The following KAZN variants were observed in gnomAD, a reference collection of about 807,000 sequenced individuals.
The protein encoded by KAZN is kazrin.
A neutral mutation model predicts 87.4 loss-of-function variants in KAZN; 40 were observed. The ratio of observed to expected loss-of-function variants is 0.46; its 90% CI spans 0.36 to 0.60. The LOEUF is 0.60. Ranked by LOEUF, KAZN falls within the 20% of genes least tolerant of loss-of-function variation. The pLI, the probability that KAZN is intolerant of heterozygous loss-of-function variation, is 0.00. For missense variants in KAZN, 898 were observed against 1,073.9 expected (o/e 0.84, Z 2.29); for synonymous variants, 466 against 458.3 (o/e 1.02, Z -0.22).
chr1:14,649,786 C>T (rs1233415646), intron 1 of KAZN, among the ~76,000 whole-genome samples: 5 of 152,164 alleles, frequency 3.3e-5, no homozygotes, highest in Non-Finnish European at 7.3e-5. Context: ...ACTCCAACAT[C>T]ATCTTATTTT....
intron 2 of KAZN, among the ~76,000 whole-genome samples, chr1:14,395,290 T>C (rs1662802266): frequency 6.6e-6 from 1 of 152,200 alleles, no homozygotes; most frequent in Admixed American, 6.5e-5. Context: ...GTTGTCACTG[T>C]TTATTGTTAT....
intron 2 of KAZN, among the ~76,000 whole-genome samples, chr1:14,429,665 T>C (rs1262204850): frequency 6.6e-6 from 1 of 152,068 alleles, no homozygotes; most frequent in African/African-American, 2.4e-5. Context: ...AAAGAGCCAT[T>C]GTTTGCATTT....
At chr1:13,918,565 G>A (rs528211580) in intron 1 of KAZN, among the ~76,000 whole-genome samples, 14 of 152,356 alleles carry the variant, frequency 9.2e-5, no homozygotes, top group African/African-American at 2.9e-4. Context: ...TAAAGAAGTG[G>A]CAGGATTTGA....
Position 14,930,581 on chromosome 1 carries a change from C to G in KAZN, c.227-30103C>G, listed in dbSNP as rs561673434. The stretch of plus-strand genomic sequence containing the variant: ...CCTTGTTACATGTGTTCCTTTTGAT[C>G]CCCCTCTTCCTGTCAGGCAGCTGCC... On this transcript the variant is annotated intron_variant, in intron 1 of 14. Transcript: ENST00000376030. 8.5e-5 allele frequency among the ~76,000 whole-genome samples: 13 copies of G among 152,268 alleles called. No individual in the cohort carries two copies. The South Asian group carries it at 2.3e-3, about 27-fold the overall frequency.
intron 2 of KAZN, among the ~76,000 whole-genome samples, chr1:14,256,876 A>T (rs1650559136): frequency 6.6e-6 from 1 of 152,098 alleles, no homozygotes; most frequent in East Asian, 1.9e-4. Context: ...CAGTTGCAAG[A>T]TCTGTAAAGG....
At chr1:14,435,274 C>T (rs956783623) in intron 2 of KAZN, among the ~76,000 whole-genome samples, 4 of 152,154 alleles carry the variant, frequency 2.6e-5, no homozygotes, top group African/African-American at 7.2e-5. Context: ...GACAGGTGCA[C>T]GGTGGCCATC....
chr1:14,707,181 C>T (rs747462265), intron 1 of KAZN, among the ~76,000 whole-genome samples: 15 of 152,174 alleles, frequency 9.9e-5, no homozygotes, highest in Non-Finnish European at 1.3e-4. Flanking sequence ...CAAACTATGA[C>T]GGTGAGGTCT....
chr1:14,013,784 G>A (rs1188097832), intron 1 of KAZN, among the ~76,000 whole-genome samples: 3 of 152,146 alleles, frequency 2.0e-5, no homozygotes, highest in Non-Finnish European at 1.5e-5. Flanking sequence ...TGCTAGATGT[G>A]GGTTTCTCAT....
In KAZN at chr1:14,562,063, A is replaced by C. The variant is rs558662440; in HGVS notation, c.250-36920A>C. ...ACCCATCAAAGGCACAGAATTACTTACCAGGCAAGTGGAAGTGGCAATCTC... is the reference window on the plus strand; with the variant it reads ...ACCCATCAAAGGCACAGAATTACTTCCCAGGCAAGTGGAAGTGGCAATCTC... On this transcript the variant is annotated intron_variant, in intron 2 of 16. Coordinates refer to the KAZN transcript ENST00000636203. Among the ~76,000 whole-genome samples the C allele has an allele frequency of 6.6e-5, 10 of 152,302 alleles. No individual in the cohort carries two copies. In the South Asian group the frequency reaches 2.1e-3, roughly 32 times the overall value.
At chr1:14,043,996 C>G (rs1328816404) in intron 1 of KAZN, among the ~76,000 whole-genome samples, 2 of 152,146 alleles carry the variant, frequency 1.3e-5, no homozygotes. Context: ...TTGTGTCTCT[C>G]ATGCAGTTGG....
intron 1 of KAZN, among the ~76,000 whole-genome samples, chr1:14,799,483 G>A (rs567152423): frequency 6.6e-6 from 1 of 152,190 alleles, no homozygotes; most frequent in Non-Finnish European, 1.5e-5. Context: ...GAATATTGAC[G>A]TGGACCGACA....
At chr1:14,628,209 A>G (rs754825341) in intron 1 of KAZN, among the ~76,000 whole-genome samples, 5 of 152,196 alleles carry the variant, frequency 3.3e-5, no homozygotes, top group Non-Finnish European at 5.9e-5. Context: ...ATGCATGCCT[A>G]TGGATCCTGT....
Position 14,345,129 on chromosome 1 carries a change from G to A in KAZN, c.249+164537G>A, listed in dbSNP as rs1658017543. Among the ~76,000 whole-genome samples, 2 of 151,996 alleles carry A rather than the reference G, an allele frequency of 1.3e-5. 1 individual carries two copies. The highest frequency in any genetic ancestry group is 4.1e-4 in the South Asian group (2 of 4,822). On this transcript the variant is annotated intron_variant, in intron 2 of 16. Transcript: ENST00000636203. ...AGATGGTGTTTACCATGTTGGCCAG[G>A]CTAGTTTCAAACTTCTGACTCCAGG... is the stretch of plus-strand genomic sequence containing the variant.
chr1:14,572,473 G>A (rs575832348), intron 2 of KAZN, among the ~76,000 whole-genome samples: 2 of 152,292 alleles, frequency 1.3e-5, no homozygotes, highest in South Asian at 2.1e-4. Context: ...CTCCCTGGAG[G>A]AGACCCTCTA....
intron 1 of KAZN, among the ~76,000 whole-genome samples, chr1:14,737,930 A>C (rs1396408277): frequency 6.6e-6 from 1 of 152,090 alleles, no homozygotes; most frequent in Non-Finnish European, 1.5e-5. Context: ...TGCTTTTTTT[A>C]AATAAAGAGC....
chr1:14,973,387 G>T (rs1041069579), intron 2 of KAZN, among the ~76,000 whole-genome samples: 2 of 152,170 alleles, frequency 1.3e-5, no homozygotes, highest in African/African-American at 2.4e-5. Flanking sequence ...GCGCAGAGGG[G>T]TACCTCCTTG....
chr1:14,164,044 C>T (rs150710726), intron 1 of KAZN, among the ~76,000 whole-genome samples: 6 of 152,302 alleles, frequency 3.9e-5, no homozygotes, highest in Admixed American at 6.5e-5. Context: ...TGAAAAGCCA[C>T]CCAAATTTTT....
At chr1:13,947,431 C>T (rs1570358470) in intron 1 of KAZN, among the ~76,000 whole-genome samples, 1 of 152,116 alleles carries the variant, frequency 6.6e-6, no homozygotes, top group Admixed American at 6.5e-5. Flanking sequence ...CACCTGGTCC[C>T]TTCCTTGACA....
In KAZN at chr1:14,673,383, A is replaced by T. The variant is rs568714542; in HGVS notation, c.226+74160A>T. Among the ~76,000 whole-genome samples the T allele has an allele frequency of 3.3e-5, 5 of 152,294 alleles. No individual in the cohort carries two copies. The East Asian group carries it at 9.6e-4, about 29-fold the overall frequency. On this transcript the variant is annotated intron_variant, in intron 1 of 14. Transcript: ENST00000376030. ...GGTTTCAAAGTGGCCCATTGCACTG[A>T]GCCTTTGTTTCCTTCTTGGAAGCAA... is the stretch of plus-strand genomic sequence containing the variant.
Sources: gnomAD v4.1 joint callset for allele counts (sites outside exome capture counted in the v4.1 genomes callset) on GRCh38, gnomAD v4.1.1 for gene constraint, MANE v1.5 for transcripts, NCBI Gene and HGNC (gene_info 2026-07-23, HGNC 2026-07-21) for gene names.